The following CAMTA1 variants were observed in gnomAD, a reference collection of about 807,000 sequenced individuals.
CAMTA1 encodes calmodulin-binding transcription activator 1.
Under a neutral mutation model 170.9 loss-of-function variants are expected in CAMTA1, and 27 were observed. The ratio of observed to expected loss-of-function variants is 0.16; its 90% CI spans 0.12 to 0.22. The LOEUF is 0.22. Ranked by LOEUF, CAMTA1 falls within the 10% of genes least tolerant of loss-of-function variation. The pLI, the probability that CAMTA1 is intolerant of heterozygous loss-of-function variation, is 1.00. For missense variants in CAMTA1, 1,619 were observed against 2,217.2 expected (o/e 0.73, Z 5.42); for synonymous variants, 833 against 891.5 (o/e 0.93, Z 1.17).
intron 4 of CAMTA1, among the ~76,000 whole-genome samples, chr1:7,225,811 C>A (rs1193075403): frequency 1.3e-5 from 2 of 152,224 alleles, no homozygotes; most frequent in Non-Finnish European, 1.5e-5. Flanking sequence ...AGTCTCCCTG[C>A]AGGAAGATGG....
chr1:7,428,288 C>G (rs528340371), intron 5 of CAMTA1, among the ~76,000 whole-genome samples: 1 of 152,178 alleles, frequency 6.6e-6, no homozygotes, highest in Admixed American at 6.5e-5. Flanking sequence ...ATGCACTGTT[C>G]CATTGCCAGC....
intron 5 of CAMTA1, among the ~76,000 whole-genome samples, chr1:7,377,224 G>T (rs566471887): frequency 6.6e-6 from 1 of 152,264 alleles, no homozygotes; most frequent in South Asian, 2.1e-4. Context: ...CTTAAAAAGC[G>T]CAAGGCACTG....
chr1:7,308,035 T>C (rs1294455175), intron 5 of CAMTA1, among the ~76,000 whole-genome samples: 1 of 151,826 alleles, frequency 6.6e-6, no homozygotes, highest in African/African-American at 2.4e-5. Context: ...ATTTAATAGT[T>C]ACAGGACTAT....
At position 7,680,814 on chromosome 1, in the gene CAMTA1, G is replaced by GT. The variant is rs1372890350; in HGVS notation, c.2914+3081_2914+3082insT. Among the ~76,000 whole-genome samples, 5 of 45,594 alleles carry GT rather than the reference G, an allele frequency of 1.1e-4. No homozygotes were observed. The highest frequency in any genetic ancestry group is 3.1e-4 in the African/African-American group (4 of 12,888). The allele number at this position is 45,594 out of a possible 152,430, so 29.9% of individuals were successfully genotyped here. A position where few individuals can be genotyped will look rare whatever the true frequency, so the allele number is the denominator to read the frequency against. On this transcript the variant is annotated intron_variant, in intron 11 of 22. Transcript: ENST00000303635. The surrounding 1 kb of genome is among the most constrained non-coding windows in gnomAD (Gnocchi z 4.4). Reference sequence around the variant, plus strand: ...TTGTTTGCTTGGCTAAAGGCCGGGGGGGGGCGTGGGTCCGGGGCGCAGAGA... The same window carrying GT: ...TTGTTTGCTTGGCTAAAGGCCGGGGGTGGGGCGTGGGTCCGGGGCGCAGAGA...
intron 5 of CAMTA1, among the ~76,000 whole-genome samples, chr1:7,317,796 C>G (rs1183278516): frequency 6.6e-6 from 1 of 152,128 alleles, no homozygotes; most frequent in Admixed American, 6.5e-5. Context: ...TTTCAAAACT[C>G]TTTTTGGGGA....
intron 5 of CAMTA1, among the ~76,000 whole-genome samples, chr1:7,316,551 T>C (rs1677531945): frequency 6.6e-6 from 1 of 152,216 alleles, no homozygotes; most frequent in Admixed American, 6.5e-5. Context: ...CTTGTACCAT[T>C]CATAGAATCC....
intron 3 of CAMTA1, among the ~76,000 whole-genome samples, chr1:6,892,304 A>G (rs1166309733): frequency 1.3e-5 from 2 of 152,206 alleles, no homozygotes; most frequent in Non-Finnish European, 2.9e-5. Context: ...TCTTCCTGAC[A>G]TTGACACTAC....
At chr1:7,237,005 G>A (rs554319740) in intron 4 of CAMTA1, among the ~76,000 whole-genome samples, 2 of 152,374 alleles carry the variant, frequency 1.3e-5, no homozygotes, top group African/African-American at 4.8e-5. Context: ...GACATTTGGG[G>A]TCAGGGCTGG....
intron 6 of CAMTA1, among the ~76,000 whole-genome samples, chr1:7,587,700 G>T (rs1291267032): frequency 6.6e-6 from 1 of 151,984 alleles, no homozygotes; most frequent in South Asian, 2.1e-4. Flanking sequence ...CCTCAGATGG[G>T]TTGCAGACAC....
intron 6 of CAMTA1, among the ~76,000 whole-genome samples, chr1:7,512,250 C>T (rs939962066): frequency 3.3e-5 from 5 of 152,150 alleles, no homozygotes; most frequent in Admixed American, 2.6e-4. Flanking sequence ...AAGGAGATGG[C>T]CCCAAACGAT....
Position 6,971,986 on chromosome 1 carries a change from G to A in CAMTA1, c.235-119318G>A, listed in dbSNP as rs1396372607. ...ACAGGCCGTGAGCAGGAGACTGATC[G>A]TCTTGATGAGGTGTGCAGGGCAGGA... On this transcript the variant is annotated intron_variant, in intron 3 of 22. Transcript: ENST00000303635. The surrounding 1 kb of genome is among the most constrained non-coding windows in gnomAD (Gnocchi z 4.6). 6.6e-6 allele frequency among the ~76,000 whole-genome samples: 1 copy of A among 152,206 alleles called. No homozygotes were observed. The highest frequency in any genetic ancestry group is 1.9e-4 in the East Asian group (1 of 5,198).
chr1:7,301,809 G>C (rs1335839602), intron 5 of CAMTA1, among the ~76,000 whole-genome samples: 1 of 152,186 alleles, frequency 6.6e-6, no homozygotes, highest in Non-Finnish European at 1.5e-5. Flanking sequence ...CCCAGCAAGT[G>C]CTCTCACTTC....
intron 5 of CAMTA1, among the ~76,000 whole-genome samples, chr1:7,405,434 G>A (rs1418268778): frequency 1.3e-5 from 2 of 152,100 alleles, no homozygotes; most frequent in South Asian, 2.1e-4. Flanking sequence ...GCAGTAGCAC[G>A]ATCATGGCTC....
chr1:7,670,834 G>C, intron 9 of CAMTA1, 77 bp from the exon 10 acceptor site: 1 of 1,544,272 alleles, frequency 6.5e-7, no homozygotes, highest in Non-Finnish European at 8.9e-7. Flanking sequence ...GAGCAGTGAA[G>C]CCTCAGGGGG....
chr1:7,560,669 G>A (rs567340081), intron 6 of CAMTA1, among the ~76,000 whole-genome samples: 1 of 152,300 alleles, frequency 6.6e-6, no homozygotes, highest in East Asian at 1.9e-4. Flanking sequence ...TGAGGTCACC[G>A]CGGCCGGTGT....
At chr1:7,462,777 C>G (rs2093121626) in intron 5 of CAMTA1, among the ~76,000 whole-genome samples, 1 of 152,184 alleles carries the variant, frequency 6.6e-6, no homozygotes, top group South Asian at 2.1e-4. Context: ...CCACCCGGCT[C>G]TCAAAGCTGG....
chr1:6,963,751 G>C (rs1690990128), intron 3 of CAMTA1, among the ~76,000 whole-genome samples: 1 of 152,174 alleles, frequency 6.6e-6, no homozygotes, highest in South Asian at 2.1e-4. Flanking sequence ...GGCTGGGCGC[G>C]GCTCGGGGAG....
chr1:7,107,474 A>G (rs1643725245), intron 4 of CAMTA1, among the ~76,000 whole-genome samples: 2 of 152,128 alleles, frequency 1.3e-5, no homozygotes, highest in African/African-American at 4.8e-5. Context: ...GGGAGAGACA[A>G]TGCTTGGGCT....
At chr1:7,220,144 G>A (rs919413200) in intron 4 of CAMTA1, among the ~76,000 whole-genome samples, 6 of 152,192 alleles carry the variant, frequency 3.9e-5, no homozygotes, top group Non-Finnish European at 8.8e-5. Flanking sequence ...TACAAAGCCC[G>A]AAACCATAGT....
Sources: allele counts gnomAD v4.1 joint callset (sites outside exome capture counted in the v4.1 genomes callset), GRCh38; gene constraint gnomAD v4.1.1; non-coding constraint Gnocchi (gnomAD v3.1); transcripts MANE v1.5; gene names NCBI Gene and HGNC (gene_info 2026-07-23, HGNC 2026-07-21).